The following TPPP variants were observed in gnomAD, a reference collection of about 807,000 sequenced individuals.
TPPP encodes tubulin polymerization-promoting protein.
In TPPP, 6 loss-of-function variants were observed where a neutral mutation model predicts 15.5. The ratio of observed to expected loss-of-function variants is 0.39; its 90% CI spans 0.21 to 0.77. The LOEUF (loss-of-function observed/expected upper bound fraction) is 0.77. Among genes scored for constraint, TPPP ranks in the 30% least tolerant of loss-of-function variants. The pLI is 0.42. For synonymous variants in TPPP, 146 were observed against 133.9 expected (o/e 1.09, Z -0.63); for missense variants, 269 against 307.2 (o/e 0.88, Z 0.93).
intron 2 of TPPP, chr5:676,168 T>C (rs1740424311): frequency 6.6e-6 from 1 of 152,094 alleles, no homozygotes. Flanking sequence ...TTTCATGGCT[T>C]TTCTGGCATA....
At position 663,901 on chromosome 5, in the gene TPPP, C is replaced by T. The variant is rs1014809132; in HGVS notation, c.*1201G>A. 3.9e-5 allele frequency: 6 copies of T among 152,476 alleles called. No homozygotes were observed. Among genetic ancestry groups the T allele is most frequent in the South Asian group, 2.1e-4 (1 of 4,832 alleles). The allele number at this position is 152,476 out of a possible 1,614,324, so 9.4% of individuals were successfully genotyped here. On this transcript the variant is annotated 3_prime_UTR_variant, in exon 4 of 4. Transcript: ENST00000360578. ...CATTGTGACAGCGGGTGGCCACACC[C>T]GTCAGCCTCCCCAGGAGGGAGCAGG...
chr5:675,100 C>T (rs1231094273), intron 2 of TPPP, among the ~76,000 whole-genome samples: 1 of 10,202 alleles, frequency 9.8e-5, no homozygotes, highest in Non-Finnish European at 1.7e-4. Context: ...TCAGTGTGGT[C>T]AGGGGTGCAG....
At chr5:668,171 G>A (rs1220264545) in intron 2 of TPPP, among the ~76,000 whole-genome samples, 8 of 117,976 alleles carry the variant, frequency 6.8e-5, no homozygotes, top group Admixed American at 8.6e-5. Context: ...ACAAGCACAC[G>A]GAGAGGGGTC....
intron 1 of TPPP, among the ~76,000 whole-genome samples, chr5:685,350 G>A (rs1740738171): frequency 2.0e-5 from 3 of 152,238 alleles, no homozygotes; most frequent in African/African-American, 7.2e-5. Context: ...GTGGAGTCCT[G>A]TGGCAGCGTC....
At chr5:697,883 A>T (rs1437926388), upstream of TPPP, among the ~76,000 whole-genome samples, 1 of 145,120 alleles carries the variant, frequency 6.9e-6, no homozygotes, top group African/African-American at 2.6e-5. Context: ...GCGCAACAAA[A>T]AAAGAAAACT....
Position 661,502 on chromosome 5 carries a change from A to G in TPPP, c.*3600T>C, listed in dbSNP as rs1739606511. On this transcript the variant is annotated 3_prime_UTR_variant, in exon 4 of 4. Transcript: ENST00000360578. Reference sequence around the variant, plus strand: ...CTCTCTCCTGGTTTGCAGGTTGTGCAGTTTGTTATTCACAAATACACATTT... The same window carrying G: ...CTCTCTCCTGGTTTGCAGGTTGTGCGGTTTGTTATTCACAAATACACATTT... The G allele has an allele frequency of 6.6e-6, 1 of 152,410 alleles. No homozygotes were observed. The highest frequency in any genetic ancestry group is 2.1e-4 in the South Asian group (1 of 4,838). The allele number at this position is 152,410 out of a possible 1,614,324, so 9.4% of individuals were successfully genotyped here.
chr5:677,008 G>A lies in TPPP; in HGVS notation c.311+742C>T, dbSNP rs538486312. Among the ~76,000 whole-genome samples the A allele has an allele frequency of 1.8e-3, 246 of 138,808 alleles. 2 individuals are homozygous for A. Among genetic ancestry groups the A allele is most frequent in the Non-Finnish European group, 1.0e-3 (63 of 63,158 alleles). 91.1% of individuals were successfully genotyped at this position (138,808 alleles called of 152,430 possible). On this transcript the variant is annotated intron_variant, in intron 2 of 3. Coordinates refer to ENST00000360578, the MANE Select transcript of TPPP (RefSeq NM_007030.3). ...CGCAGAAACGCGCACACGTGCACACGCAGAAACGCGCACACGTGCACACAC... is the reference window on the plus strand; with the variant it reads ...CGCAGAAACGCGCACACGTGCACACACAGAAACGCGCACACGTGCACACAC...
chr5:697,492 C>T (rs1237689755), upstream of TPPP, among the ~76,000 whole-genome samples: 6 of 152,044 alleles, frequency 3.9e-5, no homozygotes, highest in African/African-American at 9.7e-5. Flanking sequence ...CGTTGCAGAG[C>T]GGAGGGCCGC....
intron 1 of TPPP, among the ~76,000 whole-genome samples, chr5:692,406 A>T (rs1217722633): frequency 3.0e-5 from 2 of 67,258 alleles, no homozygotes; most frequent in Non-Finnish European, 5.4e-5. Flanking sequence ...CCAAACCCCT[A>T]TCAAAACAGC....
At chr5:693,671 CCCGGGGACGA>C (rs1275581393), upstream of TPPP, among the ~76,000 whole-genome samples, 62 of 151,702 alleles carry the variant, frequency 4.1e-4, no homozygotes, top group Non-Finnish European at 7.4e-4. Flanking sequence ...TCTGGGGCCC[CCCGGGGACGA>C]CCGGACCCCG....
chr5:676,907 GCATA>G (rs1210279506), intron 2 of TPPP, among the ~76,000 whole-genome samples: 1 of 133,192 alleles, frequency 7.5e-6, no homozygotes, highest in Admixed American at 7.1e-5. Context: ...GCGCACGCGC[GCATA>G]CACGACGCAG....
upstream of TPPP, among the ~76,000 whole-genome samples, chr5:697,235 C>A (rs906162546): frequency 6.6e-6 from 1 of 150,462 alleles, no homozygotes; most frequent in African/African-American, 2.4e-5. Flanking sequence ...GCAGGTGAGC[C>A]TTGCGGCTTC....
intron 1 of TPPP, among the ~76,000 whole-genome samples, chr5:679,354 C>T (rs905521791): frequency 2.9e-5 from 4 of 135,882 alleles, no homozygotes; most frequent in Admixed American, 1.4e-4. Flanking sequence ...GCCAACCCAG[C>T]GGAGGATGCA....
intron 1 of TPPP, among the ~76,000 whole-genome samples, chr5:679,388 G>T (rs1483279334): frequency 8.3e-5 from 12 of 144,902 alleles, no homozygotes; most frequent in Admixed American, 1.3e-4. Flanking sequence ...GGTGGGGGCT[G>T]GGCCGCGTGG....
At position 664,855 on chromosome 5, in the gene TPPP, C is replaced by T; in HGVS notation, c.*247G>A. The T allele has an allele frequency of 1.9e-6, 1 of 526,782 alleles. No homozygotes were observed. Among genetic ancestry groups the T allele is most frequent in the Non-Finnish European group, 3.4e-6 (1 of 294,200 alleles). The allele number at this position is 526,782 out of a possible 1,614,324, so 32.6% of individuals were successfully genotyped here. On this transcript the variant is annotated 3_prime_UTR_variant, in exon 4 of 4. Coordinates refer to ENST00000360578, the MANE Select transcript of TPPP (RefSeq NM_007030.3). ...GATCCGCGAGACACTTTGGAAATGG[C>T]TGAGGACGAGGCAGGTGTATTAGGA... is the stretch of plus-strand genomic sequence containing the variant.
intron 1 of TPPP, among the ~76,000 whole-genome samples, chr5:679,018 G>A (rs1322592658): frequency 2.6e-5 from 4 of 152,134 alleles, no homozygotes; most frequent in African/African-American, 9.7e-5. Context: ...CAGGTGGGCC[G>A]TCAGCACTGC....
At chr5:674,905 T>TACTGC (rs1740349991) in intron 2 of TPPP, among the ~76,000 whole-genome samples, 1 of 150,226 alleles carries the variant, frequency 6.7e-6, no homozygotes, top group Non-Finnish European at 1.5e-5. Flanking sequence ...GCAAGGCCTG[T>TACTGC]ACTGCAGAGT....
At chr5:693,714 G>A (rs1334469650), upstream of TPPP, among the ~76,000 whole-genome samples, 1 of 151,078 alleles carries the variant, frequency 6.6e-6, no homozygotes, top group East Asian at 1.9e-4. Context: ...CGCAGGACGC[G>A]CGTTGACGGT....
chr5:686,950 C>T (rs868691046), intron 1 of TPPP, among the ~76,000 whole-genome samples: 4,864 of 141,398 alleles, frequency 0.034, 45 homozygotes, highest in African/African-American at 0.12. Flanking sequence ...CCTTGTCGGA[C>T]GCCAAGCCTG....
Sources: gnomAD v4.1 joint callset for allele counts (sites outside exome capture counted in the v4.1 genomes callset) on GRCh38, gnomAD v4.1.1 for gene constraint, MANE v1.5 for transcripts, NCBI Gene and HGNC (gene_info 2026-07-23, HGNC 2026-07-21) for gene names.